RAP1GAP2: variants seen among roughly 807,000 people sequenced by gnomAD.
The protein encoded by RAP1GAP2 is rap1 GTPase-activating protein 2.
RAP1GAP2 carries 27 observed loss-of-function variants against 95.0 expected under a neutral mutation model. The ratio of observed to expected loss-of-function variants is 0.28; its 90% CI spans 0.21 to 0.39. The LOEUF (loss-of-function observed/expected upper bound fraction) is 0.39. Among genes scored for constraint, RAP1GAP2 ranks in the 10% least tolerant of loss-of-function variants. RAP1GAP2 has a pLI of 1.00. For synonymous variants in RAP1GAP2, 373 were observed against 380.9 expected (o/e 0.98, Z 0.24); for missense variants, 771 against 970.0 (o/e 0.79, Z 2.72).
intron 1 of RAP1GAP2, among the ~76,000 whole-genome samples, chr17:2,759,940 A>G (rs963833381): frequency 1.3e-5 from 2 of 152,136 alleles, no homozygotes; most frequent in African/African-American, 2.4e-5. Flanking sequence ...ATATTGAAAA[A>G]GATATTGCCA....
chr17:2,930,206 G>A (rs2043097558), intron 3 of RAP1GAP2, among the ~76,000 whole-genome samples: 1 of 152,254 alleles, frequency 6.6e-6, no homozygotes, highest in Non-Finnish European at 1.5e-5. Context: ...TGTCCCAGCT[G>A]TGGGTCTGGA....
chr17:3,032,761 G>A (rs1036685477), intron 24 of RAP1GAP2, among the ~76,000 whole-genome samples: 6 of 152,190 alleles, frequency 3.9e-5, no homozygotes, highest in African/African-American at 1.4e-4. Flanking sequence ...CCAGGAGGGA[G>A]GAGTTCCTGA....
At chr17:2,849,033 C>T (rs896835624) in intron 2 of RAP1GAP2, among the ~76,000 whole-genome samples, 4 of 152,032 alleles carry the variant, frequency 2.6e-5, no homozygotes, top group African/African-American at 9.7e-5. Context: ...CAGCTGTGTG[C>T]GAGCGGGCTT....
At chr17:3,028,955 A>G (rs998601785) in intron 22 of RAP1GAP2, among the ~76,000 whole-genome samples, 39 of 152,074 alleles carry the variant, frequency 2.6e-4, no homozygotes, top group African/African-American at 8.9e-4. Flanking sequence ...CATGTGCCAC[A>G]TGCCCGGCTA....
intron 2 of RAP1GAP2, among the ~76,000 whole-genome samples, chr17:2,889,890 T>TATATATATATATA (rs1491260344): frequency 1.0e-4 from 3 of 29,622 alleles, no homozygotes; most frequent in African/African-American, 3.0e-4. Context: ...TATATATATA[T>TATATATATATATA]TTTTTTTTTT....
chr17:2,823,496 A>G (rs1010227322), intron 2 of RAP1GAP2, among the ~76,000 whole-genome samples: 3 of 152,194 alleles, frequency 2.0e-5, no homozygotes, highest in Admixed American at 1.3e-4. Context: ...CTGACCATCC[A>G]TTCTTAGCCC....
intron 11 of RAP1GAP2, among the ~76,000 whole-genome samples, chr17:2,988,153 T>C (rs1384546889): frequency 6.6e-6 from 1 of 151,634 alleles, no homozygotes; most frequent in Non-Finnish European, 1.5e-5. Flanking sequence ...GAGGTTGCAG[T>C]GAGCCGAGAT....
At chr17:2,849,757 T>C (rs1175718981) in intron 2 of RAP1GAP2, among the ~76,000 whole-genome samples, 1 of 152,174 alleles carries the variant, frequency 6.6e-6, no homozygotes. Context: ...GGGGCATAAG[T>C]TGGGTGAGGT....
chr17:2,949,858 G>A (rs899995175), intron 3 of RAP1GAP2, among the ~76,000 whole-genome samples: 2 of 152,166 alleles, frequency 1.3e-5, no homozygotes, highest in Non-Finnish European at 2.9e-5. Context: ...GCAGCAAGTC[G>A]CTGAGAAGTG....
At chr17:2,943,845 G>A (rs12451601) in intron 3 of RAP1GAP2, among the ~76,000 whole-genome samples, 15,747 of 151,478 alleles carry the variant, frequency 0.1, 871 homozygotes, top group East Asian at 0.19. Flanking sequence ...TGTTAGGATG[G>A]CTAGTATCAA....
intron 1 of RAP1GAP2, among the ~76,000 whole-genome samples, chr17:2,782,733 T>C (rs2068687289): frequency 6.6e-6 from 1 of 152,114 alleles, no homozygotes; most frequent in African/African-American, 2.4e-5. Flanking sequence ...AAAACATCCC[T>C]GGCCAGGCGC....
rs1048582031 is a variant in RAP1GAP2, at chr17:3,033,070, G to A, written c.*31-322G>A. ...GGGTCAGAGTCACAGCTGGAGCCAA[G>A]AGGAGGGGTACAACCGAACCCACTC... On this transcript the variant is annotated intron_variant, in intron 24 of 24. Coordinates refer to ENST00000254695, the MANE Select transcript of RAP1GAP2 (RefSeq NM_015085.5). This position sits in a 1 kb window ranked among gnomAD's most constrained non-coding sequence, Gnocchi z 4.9. The A allele has an allele frequency of 1.9e-5, 3 of 154,316 alleles. No homozygotes were observed. Among genetic ancestry groups the A allele is most frequent in the Admixed American group, 1.3e-4 (2 of 15,784 alleles). 9.6% of individuals were successfully genotyped at this position (154,316 alleles called of 1,614,324 possible).
rs1429355676 is a variant in RAP1GAP2 at position 2,890,928 on chromosome 17, T to C, written c.81-14356T>C. ...CTCGATCTCCTGACCTCTAGTGATC[T>C]GCCCACCTCGGCCTCCCAAAGTGCT... On this transcript the variant is annotated intron_variant, in intron 2 of 24. Coordinates refer to ENST00000254695, the MANE Select transcript of RAP1GAP2 (RefSeq NM_015085.5). Among the ~76,000 whole-genome samples, 5 of 151,848 alleles carry C rather than the reference T, an allele frequency of 3.3e-5. No individual in the cohort carries two copies. In the Middle Eastern group the frequency reaches 0.014, roughly 413 times the overall value.
rs576538415 is a variant in RAP1GAP2, at chr17:2,888,519, G to T, written c.81-16765G>T. 3.3e-5 allele frequency among the ~76,000 whole-genome samples: 5 copies of T among 152,266 alleles called. No homozygotes were observed. The South Asian group carries it at 8.3e-4, about 25-fold the overall frequency. The stretch of plus-strand genomic sequence containing the variant: ...ACGTTTGCATGAGAACCCACAGTGT[G>T]TGTGTTTCTGTGCCTGGCTTATTTC... On this transcript the variant is annotated intron_variant, in intron 2 of 24. Transcript: ENST00000254695.
intron 2 of RAP1GAP2, among the ~76,000 whole-genome samples, chr17:2,858,110 T>C (rs950020376): frequency 1.3e-5 from 2 of 152,048 alleles, no homozygotes; most frequent in Non-Finnish European, 2.9e-5. Context: ...AAAAAAAAGG[T>C]ACGTTCTGAA....
At chr17:2,811,112 G>A (rs915830326) in intron 2 of RAP1GAP2, among the ~76,000 whole-genome samples, 5 of 152,136 alleles carry the variant, frequency 3.3e-5, no homozygotes, top group Admixed American at 6.6e-5. Context: ...CTGGAAGGCT[G>A]CTTTTTCACC....
chr17:2,759,743 G>A (rs559752737), intron 1 of RAP1GAP2, among the ~76,000 whole-genome samples: 18 of 152,078 alleles, frequency 1.2e-4, no homozygotes, highest in Admixed American at 6.6e-4. Context: ...GAGCCACCGC[G>A]CCCGGCCAAT....
intron 1 of RAP1GAP2, among the ~76,000 whole-genome samples, chr17:2,757,178 G>A (rs1357967216): frequency 1.3e-5 from 2 of 152,152 alleles, no homozygotes; most frequent in Non-Finnish European, 2.9e-5. Flanking sequence ...GAGTGCAGTG[G>A]TGCAATCTCG....
rs1076166 is a variant in RAP1GAP2, at chr17:2,870,105, T to A, written c.81-35179T>A. 0.1 allele frequency among the ~76,000 whole-genome samples: 15,290 copies of A among 151,034 alleles called. 1,718 individuals carry two copies. Among genetic ancestry groups the A allele is most frequent in the East Asian group, 0.59 (2,966 of 5,062 alleles). ...ACCTTCCTCAGAGTGCACTCTGTGC[T>A]GCTGCTTGACAATCTTTTTTTTTTT... On this transcript the variant is annotated intron_variant, in intron 2 of 24. Coordinates refer to ENST00000254695, the MANE Select transcript of RAP1GAP2 (RefSeq NM_015085.5). The surrounding 1 kb of genome is among the most constrained non-coding windows in gnomAD (Gnocchi z 4.4).
Sources: gnomAD v4.1 joint callset for allele counts (sites outside exome capture counted in the v4.1 genomes callset) on GRCh38, gnomAD v4.1.1 for gene constraint, Gnocchi (gnomAD v3.1) non-coding constraint, MANE v1.5 for transcripts, NCBI Gene and HGNC (gene_info 2026-07-23, HGNC 2026-07-21) for gene names.